PLEKHA6: variants seen among roughly 807,000 people sequenced by gnomAD.
The protein encoded by PLEKHA6 is pleckstrin homology domain-containing family A member 6.
PLEKHA6 carries 60 observed loss-of-function variants against 116.7 expected under a neutral mutation model. The ratio of observed to expected loss-of-function variants is 0.51; its 90% CI spans 0.42 to 0.64. The LOEUF is 0.64. Ranked by LOEUF, PLEKHA6 falls within the 30% of genes least tolerant of loss-of-function variation. PLEKHA6 has a pLI of 0.00. For synonymous variants in PLEKHA6, 489 were observed against 556.1 expected (o/e 0.88, Z 1.70); for missense variants, 1,338 against 1,422.7 (o/e 0.94, Z 0.96).
At chr1:204,307,339 T>C (rs1356669886) in intron 1 of PLEKHA6, 1 of 152,218 alleles carries the variant, frequency 6.6e-6, no homozygotes, top group Admixed American at 6.5e-5. Context: ...GATTTTACCT[T>C]CCATGCCAGA....
At chr1:204,362,775 A>G (rs983009778), upstream of PLEKHA6, among the ~76,000 whole-genome samples, 4 of 152,292 alleles carry the variant, frequency 2.6e-5, no homozygotes, top group Middle Eastern at 3.4e-3. Context: ...TCCATCTCCC[A>G]GGCTCAAGCA....
intron 1 of PLEKHA6, among the ~76,000 whole-genome samples, chr1:204,325,199 G>T (rs1672199568): frequency 6.6e-6 from 1 of 152,090 alleles, no homozygotes; most frequent in Non-Finnish European, 1.5e-5. Flanking sequence ...AGGCACCTTG[G>T]GTAGGCAACG....
chr1:204,257,149 G>A lies in PLEKHA6; in HGVS notation c.1524+204C>T, dbSNP rs1160631328. On this transcript the variant is annotated intron_variant, in intron 9 of 22. Coordinates refer to ENST00000272203, the MANE Select transcript of PLEKHA6 (RefSeq NM_014935.5). This position sits in a 1 kb window ranked among gnomAD's most constrained non-coding sequence, Gnocchi z 6.5. Reference sequence around the variant, plus strand: ...CAGAAAGCAATGTCCCCACTCAAGAGGCAAAGCCATCCCCAAGACAGCTCT... The same window carrying A: ...CAGAAAGCAATGTCCCCACTCAAGAAGCAAAGCCATCCCCAAGACAGCTCT... Among the ~76,000 whole-genome samples, 1 of 152,224 alleles carries A rather than the reference G, an allele frequency of 6.6e-6. No homozygotes were observed. The highest frequency in any genetic ancestry group is 2.4e-5 in the African/African-American group (1 of 41,468).
At chr1:204,322,589 C>G (rs936093136) in intron 1 of PLEKHA6, among the ~76,000 whole-genome samples, 1 of 152,094 alleles carries the variant, frequency 6.6e-6, no homozygotes, top group Non-Finnish European at 1.5e-5. Context: ...AGTCCCAGGC[C>G]CCCATAGCTT....
At chr1:204,360,787 A>G (rs1020849849), upstream of PLEKHA6, among the ~76,000 whole-genome samples, 1 of 152,192 alleles carries the variant, frequency 6.6e-6, no homozygotes, top group Non-Finnish European at 1.5e-5. Context: ...ATGCTAGCCA[A>G]GCTACGGGGT....
chr1:204,347,543 T>A (rs1264507153), intron 1 of PLEKHA6, among the ~76,000 whole-genome samples: 1 of 150,790 alleles, frequency 6.6e-6, no homozygotes, highest in African/African-American at 2.4e-5. Flanking sequence ...GATTAAGAGA[T>A]TAAAGTAAAG....
intron 21 of PLEKHA6, among the ~76,000 whole-genome samples, chr1:204,224,372 A>G (rs1382778565): frequency 1.3e-5 from 2 of 151,872 alleles, no homozygotes; most frequent in Non-Finnish European, 2.9e-5. Context: ...TGTAGCCGCG[A>G]GGCAGGAGGA....
upstream of PLEKHA6, among the ~76,000 whole-genome samples, chr1:204,362,638 C>G (rs916294330): frequency 1.3e-5 from 2 of 152,220 alleles, no homozygotes; most frequent in African/African-American, 4.8e-5. Context: ...CCACCTCTAC[C>G]TGGGCTTTAG....
chr1:204,276,126 A>T (rs1028046133), intron 1 of PLEKHA6, among the ~76,000 whole-genome samples: 76 of 146,684 alleles, frequency 5.2e-4, no homozygotes, highest in African/African-American at 1.8e-3. Flanking sequence ...AATATCAAAG[A>T]GTGTTTTTTT....
intron 9 of PLEKHA6, among the ~76,000 whole-genome samples, chr1:204,255,056 T>C (rs11808198): frequency 0.026 from 4,013 of 152,282 alleles, 167 homozygotes; most frequent in African/African-American, 0.091. Context: ...ATACTCCCTC[T>C]GTTTGCACTG....
At chr1:204,286,604 CG>C (rs2103000797) in intron 1 of PLEKHA6, among the ~76,000 whole-genome samples, 1 of 152,286 alleles carries the variant, frequency 6.6e-6, no homozygotes, top group Non-Finnish European at 1.5e-5. Context: ...GCACAATTTG[CG>C]GGCCCCTTGT....
chr1:204,225,891 G>A (rs1430080760), intron 21 of PLEKHA6, among the ~76,000 whole-genome samples: 3 of 152,136 alleles, frequency 2.0e-5, no homozygotes, highest in Non-Finnish European at 2.9e-5. Flanking sequence ...AGACATTCGC[G>A]CCACACGTAC....
intron 1 of PLEKHA6, chr1:204,301,385 T>G (rs1558160571): frequency 2.0e-6 from 2 of 982,520 alleles, no homozygotes; most frequent in Non-Finnish European, 2.4e-6. Context: ...GAACAGCTCA[T>G]CAGCCTACAG....
intron 2 of PLEKHA6, 26 bp downstream of exon 2, chr1:204,274,703 A>G (rs1359303624): frequency 4.1e-6 from 4 of 985,788 alleles, no homozygotes; most frequent in Non-Finnish European, 4.8e-6. Flanking sequence ...CAGAAAGCCC[A>G]AACAGCAAGT....
At chr1:204,283,684 G>C (rs572348943) in intron 1 of PLEKHA6, among the ~76,000 whole-genome samples, 2 of 152,184 alleles carry the variant, frequency 1.3e-5, no homozygotes, top group African/African-American at 4.8e-5. Flanking sequence ...ATGGTTCAGG[G>C]GGAGATGCCA....
At chr1:204,368,501 C>T (rs1421809603) in intron 2 of PLEKHA6, 1 of 152,146 alleles carries the variant, frequency 6.6e-6, no homozygotes, top group Non-Finnish European at 1.5e-5. Flanking sequence ...AGGAGAATCA[C>T]AGAATCTCAG....
intron 9 of PLEKHA6, among the ~76,000 whole-genome samples, chr1:204,256,634 G>A (rs1330468237): frequency 6.6e-6 from 1 of 152,150 alleles, no homozygotes; most frequent in East Asian, 1.9e-4. Flanking sequence ...TTGATACTGG[G>A]GCTAGAGTCC....
rs1665898095 is a variant in PLEKHA6, at chr1:204,259,960, C to T, written c.525-220G>A. On this transcript the variant is annotated intron_variant, in intron 7 of 22. Transcript: ENST00000272203. The surrounding 1 kb of genome is among the most constrained non-coding windows in gnomAD (Gnocchi z 4.6). Reference sequence around the variant, plus strand: ...ACAACCTAATCCGCCCCTGCCCACACCTGCTGTGTTAACTCTGCCCCCCAC... The same window carrying T: ...ACAACCTAATCCGCCCCTGCCCACATCTGCTGTGTTAACTCTGCCCCCCAC... Among the ~76,000 whole-genome samples, 1 of 152,150 alleles carries T rather than the reference C, an allele frequency of 6.6e-6. No individual in the cohort carries two copies. Among genetic ancestry groups the T allele is most frequent in the Non-Finnish European group, 1.5e-5 (1 of 68,042 alleles).
At chr1:204,288,277 C>T (rs1337519371) in intron 1 of PLEKHA6, among the ~76,000 whole-genome samples, 2 of 152,188 alleles carry the variant, frequency 1.3e-5, no homozygotes, top group Non-Finnish European at 2.9e-5. Flanking sequence ...CCTCAGCCAG[C>T]CGGAGCTGGC....
Sources: allele counts gnomAD v4.1 joint callset (sites outside exome capture counted in the v4.1 genomes callset), GRCh38; gene constraint gnomAD v4.1.1; non-coding constraint Gnocchi (gnomAD v3.1); transcripts MANE v1.5; gene names NCBI Gene and HGNC (gene_info 2026-07-23, HGNC 2026-07-21).